LPP: variants seen among roughly 807,000 people sequenced by gnomAD.
The protein encoded by LPP is LIM domain containing preferred translocation partner in lipoma, also known as lipoma-preferred partner.
LPP carries 38 observed loss-of-function variants against 60.4 expected under a neutral mutation model. That is an observed-to-expected ratio of 0.63 (90% CI 0.49 to 0.83). The LOEUF (loss-of-function observed/expected upper bound fraction) is 0.83, where lower values mean the gene tolerates loss of function less well. LPP is among the 40% of genes least tolerant of loss of function. The pLI, the probability that LPP is intolerant of heterozygous loss-of-function variation, is 0.00. For synonymous variants in LPP, 328 were observed against 290.8 expected, an observed-to-expected ratio of 1.13 and a Z score of -1.30; for missense variants, 902 against 783.6, an observed-to-expected ratio of 1.15 and a Z score of -1.80.
chr3:188,185,328 T>C (rs1216381979), intron 1 of LPP, among the ~76,000 whole-genome samples: 1 of 152,006 alleles, frequency 6.6e-6, no homozygotes, highest in Non-Finnish European at 1.5e-5. Flanking sequence ...GGAGAGAATA[T>C]CCACTGAGTC....
At chr3:188,717,303 T>C (rs1280601541) in intron 8 of LPP, among the ~76,000 whole-genome samples, 2 of 152,272 alleles carry the variant, frequency 1.3e-5, no homozygotes, top group Non-Finnish European at 2.9e-5. Context: ...TAAGGAACGA[T>C]GTGATTACTT....
At chr3:188,724,830 G>A (rs1373612017) in intron 8 of LPP, among the ~76,000 whole-genome samples, 1 of 152,156 alleles carries the variant, frequency 6.6e-6, no homozygotes, top group Non-Finnish European at 1.5e-5. Flanking sequence ...CTAGTGATGT[G>A]TAGAAAAGCC....
chr3:188,824,298 A>G (rs1330528086), intron 9 of LPP, among the ~76,000 whole-genome samples: 1 of 152,210 alleles, frequency 6.6e-6, no homozygotes, highest in Admixed American at 6.5e-5. Context: ...AGTATTGATG[A>G]TGTAGCACTG....
At chr3:188,230,826 G>C (rs1372099416) in intron 2 of LPP, among the ~76,000 whole-genome samples, 1 of 151,880 alleles carries the variant, frequency 6.6e-6, no homozygotes, top group Non-Finnish European at 1.5e-5. Context: ...CACAGTTTCT[G>C]AAATTTGGGA....
chr3:188,833,315 GTTT>G (rs1044071242), intron 9 of LPP, among the ~76,000 whole-genome samples: 2 of 152,098 alleles, frequency 1.3e-5, no homozygotes, highest in Non-Finnish European at 2.9e-5. Context: ...TCAGGAATTT[GTTT>G]TTTGTTTTGT....
chr3:188,389,474 A>G (rs115080765), intron 3 of LPP, among the ~76,000 whole-genome samples: 2 of 152,132 alleles, frequency 1.3e-5, no homozygotes, highest in Non-Finnish European at 2.9e-5. Context: ...GTTTCCCTCC[A>G]TGGTCTCTTA....
At chr3:188,308,714 T>C (rs1479051550) in intron 2 of LPP, among the ~76,000 whole-genome samples, 1 of 152,146 alleles carries the variant, frequency 6.6e-6, no homozygotes, top group East Asian at 1.9e-4. Flanking sequence ...GCTCCCCTTA[T>C]GCGGAGTAGA....
In LPP at chr3:188,890,213, G is replaced by A. The variant is rs1157911335; in HGVS notation, c.*15734G>A. ...AGCTAAGCACAATCATAGCCCCACC[G>A]TGATGAGCTGCTAGTCTGAATAACA... is the stretch of plus-strand genomic sequence containing the variant. On this transcript the variant is annotated 3_prime_UTR_variant, in exon 12 of 12. Transcript: ENST00000617246. 3.2e-5 allele frequency: 7 copies of A among 217,406 alleles called. No individual in the cohort carries two copies. The highest frequency in any genetic ancestry group is 5.5e-5 in the Non-Finnish European group (6 of 108,156). 13.5% of individuals were successfully genotyped at this position (217,406 alleles called of 1,614,324 possible).
intron 5 of LPP, among the ~76,000 whole-genome samples, chr3:188,504,239 A>T (rs1322613111): frequency 6.6e-6 from 1 of 151,778 alleles, no homozygotes; most frequent in Non-Finnish European, 1.5e-5. Context: ...CCTCTAGTGA[A>T]TTTTTTATTT....
chr3:188,503,049 CT>C (rs1464921060), intron 5 of LPP, among the ~76,000 whole-genome samples: 1 of 151,780 alleles, frequency 6.6e-6, no homozygotes, highest in African/African-American at 2.4e-5. Context: ...TTTCTTTGTC[CT>C]TTATTTCCTA....
rs575253171 is a variant in LPP, at chr3:188,210,830, C to T, written c.-189-14575C>T. 3.9e-5 allele frequency among the ~76,000 whole-genome samples: 6 copies of T among 152,144 alleles called. No homozygotes were observed. The East Asian group carries it at 5.8e-4, about 15-fold the overall frequency. ...GGGATGCAGGAAGGGACTCTGAGCTCCTGACAGAATGAAGACCACCCCTTT... is the reference window on the plus strand; with the variant it reads ...GGGATGCAGGAAGGGACTCTGAGCTTCTGACAGAATGAAGACCACCCCTTT... On this transcript the variant is annotated intron_variant, in intron 1 of 11. Transcript: ENST00000617246.
intron 1 of LPP, among the ~76,000 whole-genome samples, chr3:188,163,488 C>T (rs1718943964): frequency 6.6e-6 from 1 of 152,170 alleles, no homozygotes; most frequent in Admixed American, 6.5e-5. Flanking sequence ...TTTTTACTCT[C>T]ATAGGTGTCC....
At chr3:188,778,034 A>G (rs1206835433) in intron 9 of LPP, among the ~76,000 whole-genome samples, 1 of 152,202 alleles carries the variant, frequency 6.6e-6, no homozygotes, top group African/African-American at 2.4e-5. Context: ...TAACACATCA[A>G]AATAGTTTTT....
At chr3:188,195,319 AGGAAAT>A (rs1297162643) in intron 1 of LPP, among the ~76,000 whole-genome samples, 1 of 152,156 alleles carries the variant, frequency 6.6e-6, no homozygotes, top group East Asian at 1.9e-4. Flanking sequence ...GAAGCAACAG[AGGAAAT>A]TTAGAAAGAA....
chr3:188,769,649 G>A (rs1414503490), intron 9 of LPP, among the ~76,000 whole-genome samples: 1 of 152,132 alleles, frequency 6.6e-6, no homozygotes, highest in Non-Finnish European at 1.5e-5. Context: ...TGAGTGTTTT[G>A]CCTGAGGTTA....
At chr3:188,223,769 C>T (rs563032921) in intron 1 of LPP, among the ~76,000 whole-genome samples, 108 of 152,234 alleles carry the variant, frequency 7.1e-4, no homozygotes, top group African/African-American at 2.4e-3. Context: ...ATGCAGCTTG[C>T]GGGTGAGGGT....
intron 2 of LPP, among the ~76,000 whole-genome samples, chr3:188,250,877 ACT>A (rs202012334): frequency 0.078 from 4,943 of 63,744 alleles, 313 homozygotes; most frequent in African/African-American, 0.2. Context: ...TTTTTCTTTC[ACT>A]CTCTCTCTCT....
At chr3:188,863,115 G>A (rs527972448) in intron 9 of LPP, among the ~76,000 whole-genome samples, 22 of 152,056 alleles carry the variant, frequency 1.4e-4, no homozygotes, top group South Asian at 6.2e-4. Flanking sequence ...CTCTGATAAG[G>A]GGTTATCCAG....
intron 4 of LPP, among the ~76,000 whole-genome samples, chr3:188,427,408 G>C (rs1211590280): frequency 1.3e-5 from 2 of 151,890 alleles, no homozygotes; most frequent in East Asian, 3.9e-4. Flanking sequence ...TTTCAACCTT[G>C]GTGGGGTAAC....
Sources: gnomAD v4.1 joint callset for allele counts (sites outside exome capture counted in the v4.1 genomes callset) on GRCh38, gnomAD v4.1.1 for gene constraint, MANE v1.5 for transcripts, NCBI Gene and HGNC (gene_info 2026-07-23, HGNC 2026-07-21) for gene names.